The following PTGS1 variants were observed in gnomAD, a reference collection of about 807,000 sequenced individuals.
The protein encoded by PTGS1 is prostaglandin G/H synthase 1.
PTGS1 carries 40 observed loss-of-function variants against 63.0 expected under a neutral mutation model. The observed-to-expected ratio is 0.63, with a 90% confidence interval of 0.49 to 0.83. PTGS1 has a LOEUF of 0.83. Among genes scored for constraint, PTGS1 ranks in the 40% least tolerant of loss-of-function variants. The probability of loss-of-function intolerance (pLI) is 0.00; values close to 1 mark genes in which losing one functional copy is unlikely to be tolerated. For synonymous variants in PTGS1, 298 were observed against 301.9 expected, an observed-to-expected ratio of 0.99 and a Z score of 0.13; for missense variants, 709 against 786.5, an observed-to-expected ratio of 0.90 and a Z score of 1.18.
chr9:122,390,081 C>T (rs945400152), intron 9 of PTGS1, 117 bp from the exon 10 acceptor site: 2 of 1,258,780 alleles, frequency 1.6e-6, no homozygotes, highest in Admixed American at 2.7e-5. Context: ...CTGCCCAACA[C>T]TCTCCATCCT....
chr9:122,391,398 CATATATATATACATATATAT>C (rs1564147522), intron 10 of PTGS1, among the ~76,000 whole-genome samples: 7,598 of 93,176 alleles, frequency 0.082, 760 homozygotes, highest in African/African-American at 0.24. Flanking sequence ...TATATATATA[CATATATATATACATATATAT>C]ATATATATAC....
intron 2 of PTGS1, among the ~76,000 whole-genome samples, chr9:122,373,115 G>A (rs948033495): frequency 3.9e-5 from 6 of 152,194 alleles, no homozygotes; most frequent in Non-Finnish European, 5.9e-5. Context: ...AGGAGGTGGC[G>A]GGTGGGGGAA....
Position 122,381,306 on chromosome 9 carries a change from A to G in PTGS1, c.497-65A>G, listed in dbSNP as rs116431709. Reference sequence around the variant, plus strand: ...TTGGGCCAGTTTGCCTGGTGAGCCCAGATGTCCCCAGGGCAGCAAGATCCA... The same window carrying G: ...TTGGGCCAGTTTGCCTGGTGAGCCCGGATGTCCCCAGGGCAGCAAGATCCA... On this transcript the variant is annotated intron_variant, in intron 5 of 10. Transcript: ENST00000362012. The G allele has an allele frequency of 1.1e-3, 1,662 of 1,528,104 alleles. 10 individuals carry two copies. In the African/African-American group the frequency reaches 0.02, roughly 19 times the overall value. The allele number at this position is 1,528,104 out of a possible 1,614,324, so 94.7% of individuals were successfully genotyped here. A position where few individuals can be genotyped will look rare whatever the true frequency, so the allele number is the denominator to read the frequency against.
chr9:122,385,039 C>A (rs1451937088), intron 8 of PTGS1, among the ~76,000 whole-genome samples: 2 of 152,156 alleles, frequency 1.3e-5, no homozygotes, highest in Non-Finnish European at 2.9e-5. Context: ...CTCACTGCAA[C>A]CTCTGCCTCC....
intron 5 of PTGS1, among the ~76,000 whole-genome samples, chr9:122,380,812 G>A (rs1185322602): frequency 6.6e-6 from 1 of 152,162 alleles, no homozygotes; most frequent in Admixed American, 6.5e-5. Context: ...TATCAAATGG[G>A]TATCATTTGC....
intron 5 of PTGS1, among the ~76,000 whole-genome samples, chr9:122,379,803 G>A (rs911912348): frequency 6.6e-6 from 1 of 151,638 alleles, no homozygotes; most frequent in Non-Finnish European, 1.5e-5. Flanking sequence ...TTCTTTAGGG[G>A]TACTTGATAT....
chr9:122,375,632 T>C (rs755829247), intron 2 of PTGS1, among the ~76,000 whole-genome samples: 6 of 151,992 alleles, frequency 3.9e-5, no homozygotes, highest in Admixed American at 6.5e-5. Flanking sequence ...GCAGGTTGAA[T>C]TGGAACCCGG....
At chr9:122,381,177 C>T (rs550695153) in intron 5 of PTGS1, among the ~76,000 whole-genome samples, 194 bp from the exon 6 acceptor site, 22 of 152,252 alleles carry the variant, frequency 1.4e-4, no homozygotes, top group African/African-American at 4.1e-4. Flanking sequence ...TTCTAAAAAT[C>T]ATGCCACTTC....
Position 122,378,568 on chromosome 9 carries a change from T to G in PTGS1, c.347T>G (p.Leu116Arg). 1.9e-6 allele frequency: 3 copies of G among 1,614,216 alleles called. No individual in the cohort carries two copies. Among genetic ancestry groups the G allele is most frequent in the Non-Finnish European group, 2.5e-6 (3 of 1,180,044 alleles). ...CGAGAGATGCTCATGCGCCTGGTAC[T>G]CACAGGTGGGTGTGGGGCAGGGCCC... ...FIREMLMRLV[L>R]TVRSNLIPSP... Residue 116 changes from leucine to arginine, a missense_variant, in exon 4 of 11, where the codon CTC (leucine) becomes CGC (arginine). By Grantham distance (102) the Leu-to-Arg change is moderately radical. Transcript: ENST00000362012.
chr9:122,370,708 G>A (rs977809555), upstream of PTGS1: 7 of 438,478 alleles, frequency 1.6e-5, no homozygotes, highest in African/African-American at 9.8e-5. Context: ...TCTTCTCTGC[G>A]GGGCAGGGTA....
Position 122,392,587 on chromosome 9 carries a change from GT to G in PTGS1, c.*44del, listed in dbSNP as rs777708480. On this transcript the variant is annotated 3_prime_UTR_variant, in exon 11 of 11. Transcript: ENST00000362012. ...TTCTGGAGGGGAGAGCTTTGTGCTT[GT>G]CATTCCAGAGTGCTGAGGCCAGGGC... The G allele has an allele frequency of 1.9e-6, 3 of 1,565,626 alleles. No homozygotes were observed. The highest frequency in any genetic ancestry group is 2.6e-6 in the Non-Finnish European group (3 of 1,147,290).
At position 122,381,442 on chromosome 9, in the gene PTGS1, C is replaced by A. The variant is rs577686184; in HGVS notation, c.568C>A (p.Pro190Thr). Residue 190 changes from proline to threonine, a missense_variant, in exon 6 of 11, where the codon CCC becomes ACC. Pro to Thr is a conservative substitution (Grantham distance 38). Coordinates refer to ENST00000362012, the MANE Select transcript of PTGS1 (RefSeq NM_000962.4). ...FLLRRKFIPDPQGTNLMFAFF... is the reference protein window; with the variant it reads ...FLLRRKFIPDTQGTNLMFAFF... ...GCTCAGGAGGAAGTTCATACCTGAC[C>A]CCCAAGGCACCAACCTCATGTTTGC... is the stretch of plus-strand genomic sequence containing the variant. 6 of 1,614,094 alleles carry A rather than the reference C, an allele frequency of 3.7e-6. No individual in the cohort carries two copies. Among genetic ancestry groups the A allele is most frequent in the Middle Eastern group, 1.6e-4 (1 of 6,084 alleles).
rs1837892446 is a variant in PTGS1 at position 122,386,651 on chromosome 9, G to T, written c.1215G>T (p.Gln405His). Reference protein sequence around the residue: ...KVGSQEYSYEQFLFNTSMLVD... With the variant: ...KVGSQEYSYEHFLFNTSMLVD... ...GCTCCCAGGAGTACAGCTACGAGCA[G>T]TTCTTGTTCAACACCTCCATGTTGG... is the stretch of plus-strand genomic sequence containing the variant. Residue 405 changes from glutamine to histidine, a missense_variant, in exon 9 of 11, where the codon CAG becomes CAT. Physicochemically the swap from Gln to His is conservative, Grantham distance 24 (BLOSUM62 0). Coordinates refer to ENST00000362012, the MANE Select transcript of PTGS1 (RefSeq NM_000962.4). 1 of 1,614,104 alleles carries T rather than the reference G, an allele frequency of 6.2e-7. No homozygotes were observed. The highest frequency in any genetic ancestry group is 1.1e-5 in the South Asian group (1 of 91,086).
intron 3 of PTGS1, 62 bp downstream of exon 3, chr9:122,378,077 TCTCCTAGA>T: frequency 6.9e-7 from 1 of 1,448,144 alleles, no homozygotes; most frequent in Admixed American, 1.7e-5. Context: ...CCGGGCCCTT[TCTCCTAGA>T]CCCTAACTTC....
chr9:122,371,133 T>C, intron 1 of PTGS1, 42 bp downstream of exon 1: 2 of 1,606,780 alleles, frequency 1.2e-6, no homozygotes, highest in Non-Finnish European at 1.7e-6. Flanking sequence ...TTTCTTGGCC[T>C]CCTGGTGGAG....
At position 122,381,758 on chromosome 9, in the gene PTGS1, G is replaced by C. The variant is rs745440239; in HGVS notation, c.762+11G>C. ...AAACTCAAGTACCAGGTAGTGCTGGGCCAGGGGGTAGGGCAGAGGGAGGGG... is the reference window on the plus strand; with the variant it reads ...AAACTCAAGTACCAGGTAGTGCTGGCCCAGGGGGTAGGGCAGAGGGAGGGG... On this transcript the variant is annotated intron_variant, in intron 7 of 10. Transcript: ENST00000362012. 6.3e-7 allele frequency: 1 copy of C among 1,592,920 alleles called. No homozygotes were observed. The highest frequency in any genetic ancestry group is 1.1e-5 in the South Asian group (1 of 90,760).
intron 8 of PTGS1, among the ~76,000 whole-genome samples, chr9:122,384,065 A>G (rs1032928180): frequency 6.6e-6 from 1 of 152,148 alleles, no homozygotes; most frequent in African/African-American, 2.4e-5. Flanking sequence ...ACATTTGATT[A>G]GCCACCCTGA....
chr9:122,375,231 A>AC (rs1837052168), intron 2 of PTGS1: 4 of 932,250 alleles, frequency 4.3e-6, no homozygotes, highest in South Asian at 5.0e-5. Context: ...GGGAAGCTGG[A>AC]TGGGCCGGAC....
chr9:122,370,657 T>C (rs1461919652), upstream of PTGS1: 1 of 292,722 alleles, frequency 3.4e-6, no homozygotes, highest in Non-Finnish European at 6.4e-6. Flanking sequence ...TTCTGTAGAG[T>C]GCGTTAGACC....
Sources: allele counts gnomAD v4.1 joint callset (sites outside exome capture counted in the v4.1 genomes callset), GRCh38; gene constraint gnomAD v4.1.1; transcripts MANE v1.5; gene names NCBI Gene and HGNC (gene_info 2026-07-23, HGNC 2026-07-21).